Variants in SOBP observed in about 807,000 individuals in gnomAD.
SOBP encodes sine oculis-binding protein homolog.
Under a neutral mutation model 53.6 loss-of-function variants are expected in SOBP, and 4 were observed. The ratio of observed to expected loss-of-function variants is 0.07; its 90% confidence interval spans 0.04 to 0.17. The LOEUF is 0.17. Ranked by LOEUF, SOBP falls within the 10% of genes least tolerant of loss-of-function variation. The pLI is 1.00. For synonymous variants in SOBP, 584 were observed against 522.6 expected, an observed-to-expected ratio of 1.12 and a Z score of -1.60; for missense variants, 1,088 against 1,204.7, an observed-to-expected ratio of 0.90 and a Z score of 1.43.
intron 3 of SOBP, among the ~76,000 whole-genome samples, chr6:107,523,140 GA>G (rs1783563397): frequency 6.6e-6 from 1 of 152,190 alleles, no homozygotes; most frequent in Admixed American, 6.5e-5. Context: ...ATGATAACTG[GA>G]GTCATAAGAA....
At chr6:107,577,283 G>A (rs558628433) in intron 4 of SOBP, among the ~76,000 whole-genome samples, 8 of 152,334 alleles carry the variant, frequency 5.3e-5, no homozygotes, top group East Asian at 3.9e-4. Flanking sequence ...ATTAGCCATC[G>A]ACCTGCTCAG....
intron 3 of SOBP, among the ~76,000 whole-genome samples, chr6:107,527,548 C>CG (rs1445261162): frequency 6.6e-6 from 1 of 152,128 alleles, no homozygotes; most frequent in African/African-American, 2.4e-5. Context: ...AATTGCCACT[C>CG]GTTCTAAGGA....
chr6:107,556,698 G>T (rs1235849262), intron 4 of SOBP, among the ~76,000 whole-genome samples: 1 of 152,232 alleles, frequency 6.6e-6, no homozygotes, highest in Non-Finnish European at 1.5e-5. Flanking sequence ...GGAGGATCAT[G>T]GTTATACATG....
chr6:107,643,823 C>G, intron 6 of SOBP, among the ~76,000 whole-genome samples: 1 of 152,220 alleles, frequency 6.6e-6, no homozygotes, highest in East Asian at 1.9e-4. Context: ...GATGAAGTTG[C>G]TGCAGCATGC....
chr6:107,631,718 A>G (rs1770722492), intron 5 of SOBP, among the ~76,000 whole-genome samples: 1 of 152,234 alleles, frequency 6.6e-6, no homozygotes. Flanking sequence ...CAGTTTTGAT[A>G]GCTAAATTGA....
chr6:107,607,294 C>T (rs1414902262), intron 5 of SOBP, among the ~76,000 whole-genome samples: 1 of 152,096 alleles, frequency 6.6e-6, no homozygotes, highest in Admixed American at 6.5e-5. Flanking sequence ...CAATTTGTTG[C>T]ACAACAGGAA....
intron 3 of SOBP, among the ~76,000 whole-genome samples, chr6:107,526,218 G>A (rs978787594): frequency 1.3e-5 from 2 of 152,096 alleles, no homozygotes; most frequent in Admixed American, 1.3e-4. Context: ...CTCCCAAAGT[G>A]CTGGGATTAA....
chr6:107,502,771 A>AT (rs1463891617), intron 1 of SOBP, among the ~76,000 whole-genome samples: 1 of 152,108 alleles, frequency 6.6e-6, no homozygotes, highest in Non-Finnish European at 1.5e-5. Flanking sequence ...TTAAAAAAAA[A>AT]TTTTTTTGAG....
intron 3 of SOBP, chr6:107,529,479 T>C: frequency 1.0e-6 from 1 of 985,442 alleles, no homozygotes; most frequent in Non-Finnish European, 1.2e-6. Context: ...AGGAGATAGA[T>C]GTCCCAGCAA....
chr6:107,586,191 C>T (rs1785560454), intron 4 of SOBP, among the ~76,000 whole-genome samples: 1 of 152,120 alleles, frequency 6.6e-6, no homozygotes, highest in Admixed American at 6.5e-5. Context: ...ATATGCAAGC[C>T]ATATGTGAGG....
chr6:107,544,304 T>A (rs1784233791), intron 4 of SOBP, among the ~76,000 whole-genome samples: 1 of 152,230 alleles, frequency 6.6e-6, no homozygotes, highest in Non-Finnish European at 1.5e-5. Context: ...GACTGCAGCT[T>A]TCACCATTAT....
chr6:107,613,812 A>G (rs759666416), intron 5 of SOBP, among the ~76,000 whole-genome samples: 10 of 152,334 alleles, frequency 6.6e-5, no homozygotes, highest in Non-Finnish European at 1.3e-4. Flanking sequence ...GAAGCTTAAA[A>G]CAGTATGCCT....
At chr6:107,638,724 G>T (rs1771174759) in intron 6 of SOBP, among the ~76,000 whole-genome samples, 1 of 152,142 alleles carries the variant, frequency 6.6e-6, no homozygotes, top group African/African-American at 2.4e-5. Flanking sequence ...GATGTGGTGG[G>T]TGAGGTGCAG....
intron 5 of SOBP, among the ~76,000 whole-genome samples, chr6:107,602,722 A>G (rs1385746644): frequency 6.6e-6 from 1 of 152,218 alleles, no homozygotes; most frequent in East Asian, 1.9e-4. Flanking sequence ...GATTTATGCT[A>G]AACCAGTAAA....
intron 4 of SOBP, among the ~76,000 whole-genome samples, chr6:107,549,392 G>A (rs1157963645): frequency 5.3e-5 from 8 of 151,500 alleles, no homozygotes; most frequent in African/African-American, 1.9e-4. Context: ...TATTATTGAA[G>A]CACAAATTGA....
chr6:107,594,148 A>G (rs1037850804), intron 5 of SOBP, among the ~76,000 whole-genome samples: 1 of 152,128 alleles, frequency 6.6e-6, no homozygotes, highest in African/African-American at 2.4e-5. Context: ...TGCCCAAATC[A>G]CTGAATCTCT....
chr6:107,596,816 G>A (rs541787922), intron 5 of SOBP, among the ~76,000 whole-genome samples: 3 of 152,226 alleles, frequency 2.0e-5, no homozygotes, highest in South Asian at 4.1e-4. Context: ...AGATTAGGAT[G>A]CCCTTATCCA....
rs1782539828 is a variant in SOBP at position 107,490,272 on chromosome 6, G to GGAGCGGCAGCGGCAGCGA, written c.-343_-326dup. The stretch of plus-strand genomic sequence containing the variant: ...ATGCGGCCCGGCGGCGGCGGCGGCG[G>GGAGCGGCAGCGGCAGCGA]GAGCGGCAGCGGCAGCGAGGGCGGC... On this transcript the variant is annotated 5_prime_UTR_variant, in exon 1 of 7. Transcript: ENST00000317357. The GGAGCGGCAGCGGCAGCGA allele has an allele frequency of 1.3e-5, 2 of 148,504 alleles. No homozygotes were observed. Among genetic ancestry groups the GGAGCGGCAGCGGCAGCGA allele is most frequent in the East Asian group, 2.0e-4 (1 of 5,064 alleles). 9.2% of individuals were successfully genotyped at this position (148,504 alleles called of 1,614,324 possible). A position where few individuals can be genotyped will look rare whatever the true frequency, so the allele number is the denominator to read the frequency against.
intron 5 of SOBP, among the ~76,000 whole-genome samples, chr6:107,606,113 A>G (rs189598434): frequency 9.5e-5 from 11 of 115,636 alleles, no homozygotes; most frequent in East Asian, 2.5e-4. Context: ...GTCTCATTCT[A>G]TCTCCCAGGC....
Sources: gnomAD v4.1 joint callset for allele counts (sites outside exome capture counted in the v4.1 genomes callset) on GRCh38, gnomAD v4.1.1 for gene constraint, MANE v1.5 for transcripts, NCBI Gene and HGNC (gene_info 2026-07-23, HGNC 2026-07-21) for gene names.